UCK1: variants seen among roughly 807,000 people sequenced by gnomAD.
The protein encoded by UCK1 is uridine-cytidine kinase 1, also known as cytidine monophosphokinase 1.
UCK1 carries 20 observed loss-of-function variants against 34.0 expected under a neutral mutation model. The observed-to-expected ratio is 0.59, with a 90% CI of 0.41 to 0.86. The LOEUF (loss-of-function observed/expected upper bound fraction) is 0.86, where lower values mean the gene tolerates loss of function less well. Ranked by LOEUF, UCK1 falls within the 40% of genes least tolerant of loss-of-function variation. UCK1 has a pLI of 0.00. For missense variants in UCK1, 343 were observed against 383.6 expected, an observed-to-expected ratio of 0.89 and a Z score of 0.88; for synonymous variants, 168 against 155.9, an observed-to-expected ratio of 1.08 and a Z score of -0.58.
chr9:131,529,081 G>A (rs756097859), intron 4 of UCK1, 43 bp from the exon 5 acceptor site: 2 of 1,613,396 alleles, frequency 1.2e-6, no homozygotes, highest in Non-Finnish European at 1.7e-6. Context: ...CTCAGGACCT[G>A]CCGCCAGCCT....
At chr9:131,530,690 G>A in intron 1 of UCK1, 45 bp from the exon 2 acceptor site, 1 of 1,614,156 alleles carries the variant, frequency 6.2e-7, no homozygotes, top group Non-Finnish European at 8.5e-7. Flanking sequence ...CGCTCGTCCT[G>A]TGACAGGCAC....
chr9:131,526,512 G>A (rs1473482758), intron 5 of UCK1: 33 of 1,289,372 alleles, frequency 2.6e-5, no homozygotes, highest in Non-Finnish European at 3.2e-5. Context: ...TGCTGCTGAG[G>A]AAGGACAAGG....
chr9:131,525,864 T>G (rs747326110), intron 6 of UCK1, 65 bp downstream of exon 6: 150 of 1,565,874 alleles, frequency 9.6e-5, no homozygotes, highest in Admixed American at 7.2e-4. Flanking sequence ...TGCACACTGG[T>G]GGAACTGTCC....
In UCK1 at chr9:131,525,080, C is replaced by T; in HGVS notation, c.794G>A (p.Gly265Asp). ...GCTGGACTCCAAATGTGACCGTTTG[C>T]CAGAGGTCAGCATCCCAGGGTGGTC... ...PGDHPGMLTS[G>D]KRSHLESSSR... is the part of the protein sequence containing the mutation. The change falls in exon 7 of 7, where the codon GGC (glycine) becomes GAC (aspartate). Residue 265 changes from glycine to aspartate, a missense_variant. Coordinates refer to ENST00000372215, the MANE Select transcript of UCK1 (RefSeq NM_031432.5). The T allele has an allele frequency of 6.2e-7, 1 of 1,613,440 alleles. No homozygotes were observed. The highest frequency in any genetic ancestry group is 8.5e-7 in the Non-Finnish European group (1 of 1,179,868).
intron 2 of UCK1, 102 bp from the exon 3 acceptor site, chr9:131,529,686 C>T (rs1160204671): frequency 2.0e-6 from 2 of 1,007,460 alleles, no homozygotes; most frequent in Non-Finnish European, 3.1e-6. Flanking sequence ...GTGCTGGGGA[C>T]ACCGAGAACC....
intron 3 of UCK1, 54 bp downstream of exon 3, chr9:131,529,412 AGGCAGGTCTGTGTGAGCCCGAG>A (rs1950742577): frequency 1.2e-6 from 2 of 1,602,132 alleles, no homozygotes; most frequent in Admixed American, 3.3e-5. Flanking sequence ...GCCTGCCGCC[AGGCAGGTCTGTGTGAGCCCGAG>A]GGGACGTCCT....
Position 131,524,717 on chromosome 9 carries a change from T to C in UCK1, c.*323A>G. On this transcript the variant is annotated 3_prime_UTR_variant, in exon 7 of 7. Transcript: ENST00000372215. ...GCCAGTGTCTAGGCTGTCTCCTCAATTTCCCCAATAATGTGCCTCACATTC... is the reference window on the plus strand; with the variant it reads ...GCCAGTGTCTAGGCTGTCTCCTCAACTTCCCCAATAATGTGCCTCACATTC... 3.7e-6 allele frequency: 1 copy of C among 269,712 alleles called. No individual in the cohort carries two copies. The highest frequency in any genetic ancestry group is 7.0e-6 in the Non-Finnish European group (1 of 143,174). 16.7% of individuals were successfully genotyped at this position (269,712 alleles called of 1,614,324 possible). A position where few individuals can be genotyped will look rare whatever the true frequency, so the allele number is the denominator to read the frequency against.
rs1950496744 is a variant in UCK1 at position 131,524,396 on chromosome 9, C to T, written c.*644G>A. 6.6e-6 allele frequency: 1 copy of T among 152,332 alleles called. No individual in the cohort carries two copies. Among genetic ancestry groups the T allele is most frequent in the African/African-American group, 2.4e-5 (1 of 41,460 alleles). 9.4% of individuals were successfully genotyped at this position (152,332 alleles called of 1,614,324 possible). A position where few individuals can be genotyped will look rare whatever the true frequency, so the allele number is the denominator to read the frequency against. ...CTGGGTGCTTCCAGGGCATCCGCCT[C>T]GCTTCTCTGCCTTTAAGGCACAAGC... On this transcript the variant is annotated 3_prime_UTR_variant, in exon 7 of 7. Transcript: ENST00000372215.
intron 1 of UCK1, 130 bp from the exon 2 acceptor site, chr9:131,530,775 G>C: frequency 5.2e-6 from 8 of 1,531,448 alleles, no homozygotes; most frequent in Non-Finnish European, 7.2e-6. Flanking sequence ...ACACCAACAG[G>C]TGTGGATGGT....
intron 2 of UCK1, among the ~76,000 whole-genome samples, chr9:131,530,237 G>C (rs887472126): frequency 2.0e-5 from 3 of 152,222 alleles, no homozygotes; most frequent in South Asian, 4.1e-4. Context: ...GCAGGGCAGG[G>C]CTCCCCACAG....
Position 131,525,989 on chromosome 9 carries a change from A to G in UCK1, c.604-12T>C, listed in dbSNP as rs1201608503. ...GCATACTTCTTTGTCTGTAAGGCAC[A>G]AGGGGGGGTGTTCCTGTGAGGACTT... On this transcript the variant is annotated splice_polypyrimidine_tract_variant and intron_variant, in intron 5 of 6. Transcript: ENST00000372215. 2 of 1,613,906 alleles carry G rather than the reference A, an allele frequency of 1.2e-6. No homozygotes were observed. Among genetic ancestry groups the G allele is most frequent in the Admixed American group, 3.3e-5 (2 of 59,978 alleles).
intron 5 of UCK1, among the ~76,000 whole-genome samples, chr9:131,527,413 C>T (rs893164694): frequency 6.6e-6 from 1 of 152,214 alleles, no homozygotes; most frequent in Non-Finnish European, 1.5e-5. Context: ...TTCCTCTACT[C>T]AGGTCGCTGA....
At position 131,529,146 on chromosome 9, in the gene UCK1, C is replaced by T. The variant is rs1275927073; in HGVS notation, c.490G>A (p.Val164Ile). 3 of 1,613,868 alleles carry T rather than the reference C, an allele frequency of 1.9e-6. No individual in the cohort carries two copies. Among genetic ancestry groups the T allele is most frequent in the South Asian group, 1.1e-5 (1 of 91,080 alleles). The change falls in exon 4 of 7, where the codon GTC becomes ATC. Residue 164 changes from valine (V) to isoleucine (I), a missense_variant. Transcript: ENST00000372215. The stretch of plus-strand genomic sequence containing the variant: ...GCCTTACCTCTTCGAGACAGCCTGA[C>T]GTCGGAGTCGGTGTCCACGAAGAGG... ...LRLFVDTDSD[V>I]RLSRRVLRDV...
At chr9:131,526,720 G>C (rs897038565) in intron 5 of UCK1, among the ~76,000 whole-genome samples, 3 of 152,208 alleles carry the variant, frequency 2.0e-5, no homozygotes, top group Non-Finnish European at 4.4e-5. Flanking sequence ...TGTGGATTTG[G>C]GTCAAGAAGG....
intron 5 of UCK1, chr9:131,528,693 A>G: frequency 1.8e-6 from 1 of 554,972 alleles, no homozygotes; most frequent in Non-Finnish European, 3.2e-6. Flanking sequence ...CAAGGGCCTG[A>G]GGCAGGGAGG....
intron 5 of UCK1, among the ~76,000 whole-genome samples, chr9:131,527,156 A>C (rs1950639472): frequency 3.6e-4 from 2 of 5,526 alleles, no homozygotes; most frequent in Admixed American, 6.7e-3. Flanking sequence ...CGTCTGTGCA[A>C]AAAAAAAAAA....
In UCK1 at chr9:131,524,279, C is replaced by A. The variant is rs753676054; in HGVS notation, c.*761G>T. 1.3e-5 allele frequency: 2 copies of A among 152,392 alleles called. No homozygotes were observed. The highest frequency in any genetic ancestry group is 2.9e-5 in the Non-Finnish European group (2 of 68,168). The allele number at this position is 152,392 out of a possible 1,614,324, so 9.4% of individuals were successfully genotyped here. On this transcript the variant is annotated 3_prime_UTR_variant, in exon 7 of 7. Coordinates refer to ENST00000372215, the MANE Select transcript of UCK1 (RefSeq NM_031432.5). Reference sequence around the variant, plus strand: ...GACCCCAGGCAGGACTGCGTGGACGCTGTTCTCCAGCCGGGACAGACCTGG... The same window carrying A: ...GACCCCAGGCAGGACTGCGTGGACGATGTTCTCCAGCCGGGACAGACCTGG...
chr9:131,529,032 C>CGGA lies in UCK1; in HGVS notation c.512_514dup (p.Leu171dup). 2 of 1,614,034 alleles carry CGGA rather than the reference C, an allele frequency of 1.2e-6. No homozygotes were observed. ...CAGGTCCCTCCCTCGGCGCACGTCC[C>CGGA]GGAGAACTGCAGCGGCAAGGGGCAG... On this transcript the variant is annotated inframe_insertion, in exon 5 of 7. Coordinates refer to ENST00000372215, the MANE Select transcript of UCK1 (RefSeq NM_031432.5).
chr9:131,526,079 G>C, intron 5 of UCK1, 102 bp from the exon 6 acceptor site: 1 of 1,315,690 alleles, frequency 7.6e-7, no homozygotes, highest in Non-Finnish European at 1.1e-6. Context: ...CGGCCCTGGG[G>C]TGCTCAGAGG....
Sources: allele counts gnomAD v4.1 joint callset (sites outside exome capture counted in the v4.1 genomes callset), GRCh38; gene constraint gnomAD v4.1.1; transcripts MANE v1.5; gene names NCBI Gene and HGNC (gene_info 2026-07-23, HGNC 2026-07-21).